Variants in MAPK10 observed in about 807,000 individuals in gnomAD.
MAPK10 encodes mitogen-activated protein kinase 10, also known as JNK3 alpha protein kinase.
Under a neutral mutation model 59.3 loss-of-function variants are expected in MAPK10, and 25 were observed. The ratio of observed to expected loss-of-function variants is 0.42; its 90% CI spans 0.31 to 0.59. The LOEUF (loss-of-function observed/expected upper bound fraction) is 0.59. MAPK10 is among the 20% of genes least tolerant of loss of function. The pLI is 0.15. For synonymous variants in MAPK10, 190 were observed against 200.5 expected (o/e 0.95, Z 0.44); for missense variants, 351 against 568.9 (o/e 0.62, Z 3.90).
chr4:86,291,159 CA>C (rs2148821233), intron 2 of MAPK10, among the ~76,000 whole-genome samples: 1 of 152,280 alleles, frequency 6.6e-6, no homozygotes. Context: ...GCAAAAACAT[CA>C]GAAAACTTCT....
At position 86,064,322 on chromosome 4, in the gene MAPK10, C is replaced by T. The variant is rs762664125; in HGVS notation, c.1054G>A (p.Asp352Asn). 3.7e-6 allele frequency: 6 copies of T among 1,614,146 alleles called. No individual in the cohort carries two copies. The highest frequency in any genetic ancestry group is 3.3e-4 in the Middle Eastern group (2 of 6,060). Residue 352 changes from aspartate to asparagine, a missense_variant, in exon 11 of 14, where the codon GAC (aspartate) becomes AAC (asparagine). Transcript: ENST00000641462. ...IDPAKRISVD[D>N]ALQHPYINVW... ...TTGATGTAGGGATGCTGTAAGGCGT[C>T]GTCCACTGATATTCTTTTTGCTGGG... is the stretch of plus-strand genomic sequence containing the variant.
At chr4:86,455,463 A>G (rs962596662), upstream of MAPK10, among the ~76,000 whole-genome samples, 3 of 152,202 alleles carry the variant, frequency 2.0e-5, no homozygotes, top group Non-Finnish European at 4.4e-5. Context: ...AAGGAAAAAG[A>G]CATTCCATGC....
intron 2 of MAPK10, among the ~76,000 whole-genome samples, chr4:86,231,692 G>A (rs913784724): frequency 6.6e-6 from 1 of 151,908 alleles, no homozygotes; most frequent in Non-Finnish European, 1.5e-5. Flanking sequence ...AGAAAAAAAA[G>A]TACAGTTATA....
chr4:86,565,402 C>A (rs1446876565), intron 1 of MAPK10, among the ~76,000 whole-genome samples: 1 of 152,146 alleles, frequency 6.6e-6, no homozygotes, highest in Admixed American at 6.6e-5. Flanking sequence ...AAAATATCTT[C>A]TTACACCGTT....
At chr4:86,206,192 C>T (rs2083873773) in intron 2 of MAPK10, among the ~76,000 whole-genome samples, 1 of 151,686 alleles carries the variant, frequency 6.6e-6, no homozygotes, top group Non-Finnish European at 1.5e-5. Context: ...CTATCCCTCC[C>T]CCGTCCCCCC....
chr4:86,574,184 C>T (rs2149109332), intron 1 of MAPK10, among the ~76,000 whole-genome samples: 1 of 151,616 alleles, frequency 6.6e-6, no homozygotes, highest in East Asian at 1.9e-4. Flanking sequence ...CGACAGTTTA[C>T]TGAGAATGAT....
intron 13 of MAPK10, among the ~76,000 whole-genome samples, chr4:86,022,967 T>C (rs991817735): frequency 4.6e-5 from 7 of 152,130 alleles, no homozygotes; most frequent in Non-Finnish European, 8.8e-5. Context: ...TTATCTGTTG[T>C]TTCTTTTATC....
Position 86,017,526 on chromosome 4 carries a change from T to C in MAPK10, c.1253-156A>G. On this transcript the variant is annotated intron_variant, in intron 13 of 13. Coordinates refer to ENST00000641462, the MANE Select transcript of MAPK10 (RefSeq NM_138982.4). This position sits in a 1 kb window ranked among gnomAD's most constrained non-coding sequence, Gnocchi z 4.4. ...AGAGCAGCTGACATAGGGGAGCATA[T>C]CAAATGGTGACAATCAAGACATAGC... The C allele has an allele frequency of 1.4e-6, 1 of 711,206 alleles. No individual in the cohort carries two copies. Among genetic ancestry groups the C allele is most frequent in the Non-Finnish European group, 2.4e-6 (1 of 420,402 alleles). The allele number at this position is 711,206 out of a possible 1,614,324, so 44.1% of individuals were successfully genotyped here.
chr4:86,189,004 T>C (rs972099320), intron 3 of MAPK10, among the ~76,000 whole-genome samples: 1 of 152,206 alleles, frequency 6.6e-6, no homozygotes, highest in African/African-American at 2.4e-5. Context: ...ATTTATTAAA[T>C]AGGGAATCCT....
intron 2 of MAPK10, among the ~76,000 whole-genome samples, chr4:86,335,818 A>T (rs1344722545): frequency 1.3e-5 from 2 of 152,312 alleles, no homozygotes; most frequent in East Asian, 3.9e-4. Flanking sequence ...CTTATAAAAC[A>T]ATCAGATTTT....
intron 4 of MAPK10, among the ~76,000 whole-genome samples, chr4:86,145,098 A>C (rs1261371803): frequency 1.3e-5 from 2 of 152,184 alleles, no homozygotes; most frequent in Admixed American, 1.3e-4. Context: ...TTTTACAAAA[A>C]TTACTCTGGG....
intron 13 of MAPK10, chr4:86,026,300 T>C (rs1320254601): frequency 6.6e-6 from 1 of 152,230 alleles, no homozygotes; most frequent in East Asian, 1.9e-4. Context: ...CTATAACAAA[T>C]GCTTTTAGAA....
intron 1 of MAPK10, among the ~76,000 whole-genome samples, chr4:86,443,620 C>T (rs537152620): frequency 2.6e-5 from 4 of 152,124 alleles, no homozygotes; most frequent in Non-Finnish European, 5.9e-5. Flanking sequence ...CACACACAAA[C>T]ACACACACAC....
intron 3 of MAPK10, among the ~76,000 whole-genome samples, chr4:86,169,015 A>T (rs2073033393): frequency 6.6e-6 from 1 of 152,150 alleles, no homozygotes; most frequent in South Asian, 2.1e-4. Context: ...TGTCTGTTAG[A>T]AGGAAAACTA....
intron 4 of MAPK10, among the ~76,000 whole-genome samples, chr4:86,139,926 G>A (rs1303442647): frequency 1.4e-5 from 2 of 147,566 alleles, no homozygotes; most frequent in Non-Finnish European, 1.5e-5. Flanking sequence ...AAAGACACAT[G>A]AAAAAATGCT....
chr4:86,361,345 A>T (rs747584393), upstream of MAPK10, among the ~76,000 whole-genome samples: 3 of 152,148 alleles, frequency 2.0e-5, no homozygotes, highest in Non-Finnish European at 4.4e-5. Context: ...TTCAATTTCA[A>T]CAAGAATCAA....
At chr4:86,281,283 C>T (rs1188325509) in intron 2 of MAPK10, among the ~76,000 whole-genome samples, 1 of 151,824 alleles carries the variant, frequency 6.6e-6, no homozygotes, top group East Asian at 1.9e-4. Flanking sequence ...CAGATCACCT[C>T]AGGTTAGGAG....
At chr4:86,279,281 T>C (rs893320090) in intron 2 of MAPK10, among the ~76,000 whole-genome samples, 2 of 152,166 alleles carry the variant, frequency 1.3e-5, no homozygotes, top group Non-Finnish European at 2.9e-5. Context: ...TTCTCTTTGA[T>C]ATCTTGTTTT....
intron 4 of MAPK10, among the ~76,000 whole-genome samples, chr4:86,154,899 C>T (rs1034488444): frequency 2.2e-4 from 34 of 151,998 alleles, no homozygotes; most frequent in African/African-American, 5.6e-4. Flanking sequence ...CAATTTTTCT[C>T]GTAATTTTTA....
Sources: gnomAD v4.1 joint callset for allele counts (sites outside exome capture counted in the v4.1 genomes callset) on GRCh38, gnomAD v4.1.1 for gene constraint, Gnocchi (gnomAD v3.1) non-coding constraint, MANE v1.5 for transcripts, NCBI Gene and HGNC (gene_info 2026-07-23, HGNC 2026-07-21) for gene names.